Variants in EPB41 observed in about 807,000 individuals in gnomAD.
The protein encoded by EPB41 is erythrocyte membrane protein band 4.1.
A neutral mutation model predicts 108.0 loss-of-function variants in EPB41; 65 were observed. That is an observed-to-expected ratio of 0.60 (90% CI 0.49 to 0.74). EPB41 has a LOEUF of 0.74. Among genes scored for constraint, EPB41 ranks in the 30% least tolerant of loss-of-function variants. The probability of loss-of-function intolerance (pLI) is 0.00; values close to 1 mark genes in which losing one functional copy is unlikely to be tolerated. For synonymous variants in EPB41, 336 were observed against 358.9 expected (o/e 0.94, Z 0.72); for missense variants, 875 against 1,037.0 (o/e 0.84, Z 2.15).
At position 28,993,646 on chromosome 1, in the gene EPB41, A is replaced by G. The variant is rs377415137; in HGVS notation, c.681+104A>G. ...CACGATAAGACTCACTGTAGTGATT[A>G]TTTCTTTTTTCTTTTTTTTTTTTTT... On this transcript the variant is annotated intron_variant, in intron 3 of 20. Transcript: ENST00000343067. The G allele has an allele frequency of 3.1e-5, 24 of 779,352 alleles. No homozygotes were observed. In the Admixed American group the frequency reaches 4.3e-4, roughly 14 times the overall value. The allele number at this position is 779,352 out of a possible 1,614,324, so 48.3% of individuals were successfully genotyped here. A position where few individuals can be genotyped will look rare whatever the true frequency, so the allele number is the denominator to read the frequency against.
chr1:28,896,146 A>G (rs2090636367), intron 1 of EPB41, among the ~76,000 whole-genome samples: 2 of 152,342 alleles, frequency 1.3e-5, no homozygotes, highest in African/African-American at 4.8e-5. Context: ...GGGGAAAATA[A>G]AAGAACCTAC....
Position 29,116,901 on chromosome 1 carries a change from A to G in EPB41, c.*89A>G, listed in dbSNP as rs1671117235. ...AAAGAAGCTAACCTGCCATAGTCAG[A>G]CTTCAGACTTTCAAGATTATTCTAA... is the stretch of plus-strand genomic sequence containing the variant. On this transcript the variant is annotated 3_prime_UTR_variant, in exon 21 of 21. Coordinates refer to ENST00000343067, the MANE Select transcript of EPB41 (RefSeq NM_001376013.1). 6.6e-6 allele frequency: 1 copy of G among 152,250 alleles called. No homozygotes were observed. The highest frequency in any genetic ancestry group is 1.5e-5 in the Non-Finnish European group (1 of 68,048). 9.4% of individuals were successfully genotyped at this position (152,250 alleles called of 1,614,324 possible).
At chr1:29,060,285 A>G in intron 14 of EPB41, 137 bp from the exon 15 acceptor site, 1 of 671,750 alleles carries the variant, frequency 1.5e-6, no homozygotes, top group Non-Finnish European at 2.6e-6. Context: ...CTCTCTGACC[A>G]TTTCATGTTG....
chr1:28,942,949 A>G (rs1452598077), intron 1 of EPB41, among the ~76,000 whole-genome samples: 9 of 152,210 alleles, frequency 5.9e-5, no homozygotes, highest in African/African-American at 2.2e-4. Context: ...GTATCACAAT[A>G]TCATGTGAGG....
chr1:29,105,188 G>A (rs1035131688), intron 17 of EPB41, among the ~76,000 whole-genome samples: 1 of 152,116 alleles, frequency 6.6e-6, no homozygotes, highest in African/African-American at 2.4e-5. Context: ...TGCCTGGTTT[G>A]GACTTCATGT....
At chr1:28,981,275 T>C (rs753147067) in intron 1 of EPB41, among the ~76,000 whole-genome samples, 1 of 152,218 alleles carries the variant, frequency 6.6e-6, no homozygotes, top group African/African-American at 2.4e-5. Context: ...TAAAACAACA[T>C]ATATGCATAA....
chr1:28,929,653 C>T (rs903720308), intron 1 of EPB41, among the ~76,000 whole-genome samples: 3 of 151,758 alleles, frequency 2.0e-5, no homozygotes, highest in Non-Finnish European at 4.4e-5. Context: ...TGCCTCAGCC[C>T]GCCGAGTAGC....
intron 7 of EPB41, among the ~76,000 whole-genome samples, chr1:29,026,156 C>A (rs1171544960): frequency 6.6e-6 from 1 of 152,056 alleles, no homozygotes; most frequent in Non-Finnish European, 1.5e-5. Flanking sequence ...AGGAGGACAT[C>A]CACATACAGT....
intron 1 of EPB41, among the ~76,000 whole-genome samples, chr1:28,952,458 G>A (rs1390133035): frequency 4.6e-5 from 7 of 152,046 alleles, no homozygotes; most frequent in Admixed American, 6.6e-5. Context: ...CCCGGGAGGC[G>A]GAGGTTACAG....
At chr1:29,079,597 G>A (rs940402435) in intron 16 of EPB41, among the ~76,000 whole-genome samples, 1 of 151,864 alleles carries the variant, frequency 6.6e-6, no homozygotes, top group Non-Finnish European at 1.5e-5. Flanking sequence ...TTTTGGTGGA[G>A]ATGGAGTTTC....
chr1:29,108,837 AT>A (rs1481889006), intron 17 of EPB41, among the ~76,000 whole-genome samples: 1 of 150,584 alleles, frequency 6.6e-6, no homozygotes, highest in African/African-American at 2.4e-5. Flanking sequence ...GATTACAGGC[AT>A]GAGCCACCGA....
chr1:28,888,670 C>G (rs577765285), intron 1 of EPB41, among the ~76,000 whole-genome samples: 1 of 152,324 alleles, frequency 6.6e-6, no homozygotes, highest in East Asian at 1.9e-4. Context: ...CTCTGTCGCC[C>G]AGGCTAGAGT....
intron 4 of EPB41, among the ~76,000 whole-genome samples, chr1:29,003,315 A>G (rs1265225816): frequency 6.6e-6 from 1 of 152,214 alleles, no homozygotes; most frequent in Non-Finnish European, 1.5e-5. Flanking sequence ...TAGATGAGGA[A>G]ACTGAAGCAC....
chr1:28,977,951 A>G (rs944420750), intron 1 of EPB41, among the ~76,000 whole-genome samples: 121 of 144,546 alleles, frequency 8.4e-4, no homozygotes, highest in Middle Eastern at 3.6e-3. Flanking sequence ...TTCATTTTAT[A>G]TTCTCTTTTT....
chr1:29,025,598 G>A (rs2096708843), intron 7 of EPB41, among the ~76,000 whole-genome samples: 1 of 152,004 alleles, frequency 6.6e-6, no homozygotes, highest in Non-Finnish European at 1.5e-5. Context: ...AATTTATTTT[G>A]TGATATTAAT....
chr1:28,980,147 A>G (rs1390546082), intron 1 of EPB41, among the ~76,000 whole-genome samples: 1 of 152,014 alleles, frequency 6.6e-6, no homozygotes, highest in Non-Finnish European at 1.5e-5. Context: ...AGCCTGGCAA[A>G]ACATGGTGAA....
chr1:28,925,027 G>A (rs1337369643), intron 1 of EPB41, among the ~76,000 whole-genome samples: 1 of 149,730 alleles, frequency 6.7e-6, no homozygotes, highest in Non-Finnish European at 1.5e-5. Flanking sequence ...GTGCAGTAGC[G>A]CGATCTCGGC....
intron 1 of EPB41, among the ~76,000 whole-genome samples, chr1:28,921,950 A>ATATATATATATATATATT (rs2093112890): frequency 8.4e-6 from 1 of 119,176 alleles, no homozygotes; most frequent in Non-Finnish European, 1.6e-5. Context: ...ATATATATAT[A>ATATATATATATATATATT]TATATATATA....
At chr1:29,089,998 T>G (rs1660617695) in intron 16 of EPB41, among the ~76,000 whole-genome samples, 1 of 152,204 alleles carries the variant, frequency 6.6e-6, no homozygotes, top group African/African-American at 2.4e-5. Flanking sequence ...GCACAGTGGT[T>G]CACACCTGTA....
Sources: allele counts gnomAD v4.1 joint callset (sites outside exome capture counted in the v4.1 genomes callset), GRCh38; gene constraint gnomAD v4.1.1; transcripts MANE v1.5; gene names NCBI Gene and HGNC (gene_info 2026-07-23, HGNC 2026-07-21).